The following MEF2A variants were observed in gnomAD, a reference collection of about 807,000 sequenced individuals.
The protein encoded by MEF2A is myocyte-specific enhancer factor 2A.
Under a neutral mutation model 55.8 loss-of-function variants are expected in MEF2A, and 28 were observed. That is an observed-to-expected ratio of 0.50 (90% CI 0.37 to 0.69). The LOEUF (loss-of-function observed/expected upper bound fraction) is 0.69. Among genes scored for constraint, MEF2A ranks in the 30% least tolerant of loss-of-function variants. The pLI, the probability that MEF2A is intolerant of heterozygous loss-of-function variation, is 0.00. For synonymous variants in MEF2A, 239 were observed against 227.1 expected, an observed-to-expected ratio of 1.05 and a Z score of -0.47; for missense variants, 528 against 626.2, an observed-to-expected ratio of 0.84 and a Z score of 1.67.
rs1689357946 is a variant in MEF2A, at chr15:99,712,641, A to G, written c.1388A>G (p.Tyr463Cys). The change falls in exon 12 of 12, where the codon TAT becomes TGT. Residue 463 changes from tyrosine to cysteine, a missense_variant. Physicochemically the swap from Tyr to Cys is radical, Grantham distance 194. Coordinates refer to ENST00000557942, the MANE Select transcript of MEF2A (RefSeq NM_001319206.4). This position sits in a 1 kb window ranked among gnomAD's most constrained non-coding sequence, Gnocchi z 4.1. ...VDSLSSSSSS[Y>C]DGSDREDPRG... ...AGTCTGAGCAGCTCTAGTAGCTCCT[A>G]TGATGGCAGTGATCGGGAGGATCCA... is the stretch of plus-strand genomic sequence containing the variant. 3 of 1,553,334 alleles carry G rather than the reference A, an allele frequency of 1.9e-6. No homozygotes were observed. The highest frequency in any genetic ancestry group is 1.7e-6 in the Non-Finnish European group (2 of 1,147,966).
intron 2 of MEF2A, among the ~76,000 whole-genome samples, chr15:99,605,174 C>G (rs1388292379): frequency 6.6e-6 from 1 of 152,188 alleles, no homozygotes; most frequent in Non-Finnish European, 1.5e-5. Flanking sequence ...TCTCGAACTC[C>G]TGGCCTCAAG....
chr15:99,601,110 T>C (rs1384781571), intron 2 of MEF2A, among the ~76,000 whole-genome samples: 3 of 152,190 alleles, frequency 2.0e-5, no homozygotes, highest in Admixed American at 6.5e-5. Context: ...GTCTGACACA[T>C]AGTTTGTTAA....
chr15:99,688,899 G>A (rs778875248), intron 7 of MEF2A, among the ~76,000 whole-genome samples: 3 of 152,186 alleles, frequency 2.0e-5, no homozygotes, highest in Non-Finnish European at 4.4e-5. Flanking sequence ...TGTGGTGAGC[G>A]AGAATGACCT....
chr15:99,665,807 A>C (rs1168694137), intron 4 of MEF2A, among the ~76,000 whole-genome samples: 1 of 151,858 alleles, frequency 6.6e-6, no homozygotes, highest in Non-Finnish European at 1.5e-5. Context: ...AAAAGAAGAC[A>C]TTTATGCAGC....
intron 4 of MEF2A, chr15:99,657,406 G>A (rs2047920491): frequency 6.6e-6 from 1 of 151,488 alleles, no homozygotes; most frequent in African/African-American, 2.4e-5. Context: ...TGATATTGTT[G>A]GGCTAGGTTA....
chr15:99,581,006 C>A (rs1268323268), intron 1 of MEF2A, among the ~76,000 whole-genome samples: 2 of 151,894 alleles, frequency 1.3e-5, no homozygotes, highest in Non-Finnish European at 2.9e-5. Flanking sequence ...TTAATTAGTT[C>A]TCTTTTATGC....
chr15:99,567,519 A>C lies in MEF2A; in HGVS notation c.-225+1415A>C, dbSNP rs534850475. Among the ~76,000 whole-genome samples the C allele has an allele frequency of 1.3e-3, 191 of 152,326 alleles. 2 individuals carry two copies. Among genetic ancestry groups the C allele is most frequent in the African/African-American group, 4.5e-3 (186 of 41,576 alleles). ...TCTTGAACAGTCTGTGGAAAAGGTA[A>C]ACAAAATAGTTCTTTTTTAAACATA... On this transcript the variant is annotated intron_variant, in intron 1 of 11. Coordinates refer to ENST00000557942, the MANE Select transcript of MEF2A (RefSeq NM_001319206.4).
chr15:99,655,904 TA>T (rs1268523960), intron 4 of MEF2A, among the ~76,000 whole-genome samples: 1 of 152,124 alleles, frequency 6.6e-6, no homozygotes, highest in East Asian at 1.9e-4. Flanking sequence ...CTCTTTCATT[TA>T]ACTGATGAGG....
chr15:99,565,574 C>T (rs1959166771), upstream of MEF2A: 1 of 151,766 alleles, frequency 6.6e-6, no homozygotes, highest in Admixed American at 6.6e-5. Flanking sequence ...ATCAAGTGAC[C>T]AGTATCCCTT....
chr15:99,621,601 C>G (rs2041184142), intron 2 of MEF2A, among the ~76,000 whole-genome samples: 1 of 152,132 alleles, frequency 6.6e-6, no homozygotes, highest in African/African-American at 2.4e-5. Context: ...TTACTATTGT[C>G]TATATGCCCA....
chr15:99,579,894 C>T (rs1965421768), intron 1 of MEF2A, among the ~76,000 whole-genome samples: 1 of 151,966 alleles, frequency 6.6e-6, no homozygotes, highest in African/African-American at 2.4e-5. Context: ...TTTCCTTTTA[C>T]CTTACAGTTA....
At chr15:99,620,241 A>G (rs781481221) in intron 2 of MEF2A, among the ~76,000 whole-genome samples, 4 of 152,166 alleles carry the variant, frequency 2.6e-5, no homozygotes, top group Non-Finnish European at 5.9e-5. Context: ...TGTTTGTTAC[A>G]TGAGTAAATT....
intron 5 of MEF2A, among the ~76,000 whole-genome samples, chr15:99,673,028 C>T (rs1485234789): frequency 2.6e-5 from 4 of 152,110 alleles, no homozygotes; most frequent in Admixed American, 1.3e-4. Context: ...TGGGTGTGCA[C>T]AGAAAAGATA....
At chr15:99,567,912 C>A (rs528113696) in intron 1 of MEF2A, among the ~76,000 whole-genome samples, 3 of 152,142 alleles carry the variant, frequency 2.0e-5, no homozygotes, top group East Asian at 1.9e-4. Flanking sequence ...AATGGTGTTA[C>A]AATAATCAAA....
chr15:99,654,462 G>A (rs1372735332), intron 4 of MEF2A, among the ~76,000 whole-genome samples: 2 of 151,560 alleles, frequency 1.3e-5, no homozygotes, highest in Admixed American at 1.3e-4. Flanking sequence ...GTTGCTTCTG[G>A]ATGCAGGCAA....
chr15:99,594,559 C>T (rs1275249704), intron 1 of MEF2A, among the ~76,000 whole-genome samples: 1 of 151,524 alleles, frequency 6.6e-6, no homozygotes. Flanking sequence ...AGTCTCTCTC[C>T]CCTCCCCAGA....
upstream of MEF2A, chr15:99,565,590 G>C (rs1959167018): frequency 6.6e-6 from 1 of 151,946 alleles, no homozygotes; most frequent in African/African-American, 2.4e-5. Flanking sequence ...CCCTTCCAGG[G>C]GAACACGGTC....
At chr15:99,638,513 GTTTTCTAGTTA>G (rs1387377527) in intron 3 of MEF2A, among the ~76,000 whole-genome samples, 1 of 151,830 alleles carries the variant, frequency 6.6e-6, no homozygotes. Flanking sequence ...CAGTTTGAAT[GTTTTCTAGTTA>G]TTTTCTAGCA....
chr15:99,637,712 G>A (rs932451738), intron 3 of MEF2A, among the ~76,000 whole-genome samples: 10 of 151,802 alleles, frequency 6.6e-5, no homozygotes, highest in South Asian at 6.2e-4. Context: ...GCACGCTGTC[G>A]GCTCACTGCA....
Sources: gnomAD v4.1 joint callset for allele counts (sites outside exome capture counted in the v4.1 genomes callset) on GRCh38, gnomAD v4.1.1 for gene constraint, Gnocchi (gnomAD v3.1) non-coding constraint, MANE v1.5 for transcripts, NCBI Gene and HGNC (gene_info 2026-07-23, HGNC 2026-07-21) for gene names.